The following GMDS variants were observed in gnomAD, a reference collection of about 807,000 sequenced individuals.
The protein encoded by GMDS is GDP-mannose 4,6 dehydratase.
Under a neutral mutation model 49.9 loss-of-function variants are expected in GMDS, and 20 were observed. That is an observed-to-expected ratio of 0.40 (90% CI 0.28 to 0.58). The LOEUF (loss-of-function observed/expected upper bound fraction) is 0.58. GMDS is among the 20% of genes least tolerant of loss of function. The probability of loss-of-function intolerance (pLI) is 0.42; values close to 1 mark genes in which losing one functional copy is unlikely to be tolerated. For synonymous variants in GMDS, 177 were observed against 178.6 expected (o/e 0.99, Z 0.07); for missense variants, 362 against 481.4 (o/e 0.75, Z 2.32).
chr6:1,718,993 C>T (rs1257350565), intron 9 of GMDS, among the ~76,000 whole-genome samples: 1 of 152,108 alleles, frequency 6.6e-6, no homozygotes, highest in Non-Finnish European at 1.5e-5. Flanking sequence ...GGGGGCAAGG[C>T]ATACCTGATT....
At chr6:2,171,684 G>T (rs996979014) in intron 1 of GMDS, among the ~76,000 whole-genome samples, 5 of 152,218 alleles carry the variant, frequency 3.3e-5, no homozygotes, top group Admixed American at 2.6e-4. Context: ...ATCATCCTAA[G>T]GACTCAGAAA....
chr6:1,880,149 T>A (rs756134218), intron 7 of GMDS, among the ~76,000 whole-genome samples: 2 of 151,956 alleles, frequency 1.3e-5, no homozygotes, highest in African/African-American at 2.4e-5. Flanking sequence ...AGTATTTTAC[T>A]GTTATAAAAA....
intron 1 of GMDS, among the ~76,000 whole-genome samples, chr6:2,242,789 A>G (rs567210841): frequency 1.2e-4 from 19 of 152,332 alleles, no homozygotes; most frequent in African/African-American, 4.1e-4. Context: ...GGGGATACTT[A>G]TTATACCTGT....
intron 1 of GMDS, among the ~76,000 whole-genome samples, chr6:2,224,689 AT>A (rs367684799): frequency 2.0e-5 from 3 of 152,378 alleles, no homozygotes; most frequent in African/African-American, 7.2e-5. Flanking sequence ...AAGTACCTTC[AT>A]AAAAACATGT....
chr6:1,717,481 C>T (rs1051042217), intron 9 of GMDS: 4 of 152,140 alleles, frequency 2.6e-5, no homozygotes, highest in Non-Finnish European at 1.5e-5. Flanking sequence ...TGGATCTCAG[C>T]GCCTGTCACA....
chr6:1,776,126 C>G (rs7760204), intron 7 of GMDS, among the ~76,000 whole-genome samples: 69,014 of 151,506 alleles, frequency 0.46, 16,824 homozygotes, highest in African/African-American at 0.62. Flanking sequence ...AAGCCGTGAC[C>G]GTTCAGAATC....
Position 1,854,074 on chromosome 6 carries a change from C to T in GMDS, c.771+76029G>A, listed in dbSNP as rs549559111. Among the ~76,000 whole-genome samples, 3 of 152,294 alleles carry T rather than the reference C, an allele frequency of 2.0e-5. No homozygotes were observed. In the East Asian group the frequency reaches 5.8e-4, roughly 29 times the overall value. Reference sequence around the variant, plus strand: ...CATTTCCATTATAAAAACCTCTTTTCAAGGATTAATATCTCAGGTGTAAAA... The same window carrying T: ...CATTTCCATTATAAAAACCTCTTTTTAAGGATTAATATCTCAGGTGTAAAA... On this transcript the variant is annotated intron_variant, in intron 7 of 10. Coordinates refer to ENST00000380815, the MANE Select transcript of GMDS (RefSeq NM_001500.4).
intron 7 of GMDS, among the ~76,000 whole-genome samples, chr6:1,802,564 G>T (rs550188477): frequency 2.0e-5 from 3 of 152,324 alleles, no homozygotes; most frequent in Admixed American, 2.0e-4. Context: ...AAGGGAGAGG[G>T]CAGGCAGGAG....
At chr6:1,750,928 C>T (rs950846537) in intron 7 of GMDS, among the ~76,000 whole-genome samples, 1 of 152,148 alleles carries the variant, frequency 6.6e-6, no homozygotes, top group African/African-American at 2.4e-5. Context: ...AGGTGGTTTT[C>T]CCCTCACAGT....
intron 1 of GMDS, among the ~76,000 whole-genome samples, chr6:2,226,046 T>C (rs1323237200): frequency 6.6e-6 from 1 of 151,562 alleles, no homozygotes; most frequent in African/African-American, 2.4e-5. Flanking sequence ...AAGAAAAAAC[T>C]GTGAAAAGAA....
chr6:1,877,095 C>G (rs1459371948), intron 7 of GMDS, among the ~76,000 whole-genome samples: 1 of 152,004 alleles, frequency 6.6e-6, no homozygotes, highest in African/African-American at 2.4e-5. Flanking sequence ...CTGGGGCTGA[C>G]CACCACGTCC....
intron 1 of GMDS, among the ~76,000 whole-genome samples, chr6:2,239,179 A>C (rs950445710): frequency 1.3e-5 from 2 of 152,148 alleles, no homozygotes; most frequent in African/African-American, 4.8e-5. Context: ...AAATACAAAA[A>C]TTAGTTGGGC....
At chr6:2,016,384 T>C (rs1581520797) in intron 4 of GMDS, among the ~76,000 whole-genome samples, 2 of 151,816 alleles carry the variant, frequency 1.3e-5, no homozygotes, top group South Asian at 2.1e-4. Context: ...AAAAAAGTGG[T>C]CAATTAATAA....
intron 1 of GMDS, among the ~76,000 whole-genome samples, chr6:2,207,205 A>G (rs1224650766): frequency 6.6e-6 from 1 of 151,986 alleles, no homozygotes; most frequent in Non-Finnish European, 1.5e-5. Context: ...TTCTACCCTC[A>G]AGTTTATGTC....
At chr6:2,077,880 G>A (rs1772439933) in intron 4 of GMDS, among the ~76,000 whole-genome samples, 1 of 151,982 alleles carries the variant, frequency 6.6e-6, no homozygotes, top group South Asian at 2.1e-4. Context: ...TTATACATAT[G>A]GTAGAATTCG....
chr6:2,053,242 C>T (rs964811986), intron 4 of GMDS, among the ~76,000 whole-genome samples: 3 of 151,968 alleles, frequency 2.0e-5, no homozygotes, highest in South Asian at 2.1e-4. Flanking sequence ...AAATATATAA[C>T]GATTTGTAAA....
intron 7 of GMDS, among the ~76,000 whole-genome samples, chr6:1,809,932 G>A (rs1320388860): frequency 1.3e-5 from 2 of 152,150 alleles, no homozygotes; most frequent in Non-Finnish European, 2.9e-5. Flanking sequence ...ACATATCAAA[G>A]GGTAGACACT....
chr6:1,642,918 T>C (rs1359488392), intron 9 of GMDS, among the ~76,000 whole-genome samples: 1 of 152,182 alleles, frequency 6.6e-6, no homozygotes, highest in East Asian at 1.9e-4. Flanking sequence ...ACTGAGTTTT[T>C]TCCCCTATTT....
At chr6:1,829,679 A>T (rs1364823310) in intron 7 of GMDS, among the ~76,000 whole-genome samples, 1 of 152,170 alleles carries the variant, frequency 6.6e-6, no homozygotes, top group African/African-American at 2.4e-5. Context: ...GGCTCAAGCG[A>T]TCCACCCTCC....
Sources: gnomAD v4.1 joint callset for allele counts (sites outside exome capture counted in the v4.1 genomes callset) on GRCh38, gnomAD v4.1.1 for gene constraint, MANE v1.5 for transcripts, NCBI Gene and HGNC (gene_info 2026-07-23, HGNC 2026-07-21) for gene names.